CCSER2: variants seen among roughly 807,000 people sequenced by gnomAD.
CCSER2 encodes the protein serine-rich coiled-coil domain-containing protein 2.
In CCSER2, 46 loss-of-function variants were observed where a neutral mutation model predicts 92.3. That is an observed-to-expected ratio of 0.50 (90% CI 0.39 to 0.64). The LOEUF (loss-of-function observed/expected upper bound fraction) is 0.64, where lower values mean the gene tolerates loss of function less well. CCSER2 is among the 30% of genes least tolerant of loss of function. The pLI, the probability that CCSER2 is intolerant of heterozygous loss-of-function variation, is 0.00. For synonymous variants in CCSER2, 433 were observed against 431.4 expected (o/e 1.00, Z -0.04); for missense variants, 1,244 against 1,238.9 (o/e 1.00, Z -0.06).
intron 1 of CCSER2, among the ~76,000 whole-genome samples, chr10:84,357,096 C>G (rs115345990): frequency 1.2e-3 from 184 of 152,202 alleles, no homozygotes; most frequent in African/African-American, 4.4e-3. Context: ...GGAAAATAAA[C>G]TTTGAGTGTC....
chr10:84,400,536 A>G (rs11597246), intron 3 of CCSER2, among the ~76,000 whole-genome samples: 32,325 of 151,908 alleles, frequency 0.21, 3,655 homozygotes, highest in Admixed American at 0.34. Flanking sequence ...GATCCATTTT[A>G]TGTTTTTGTA....
At chr10:84,479,743 G>A (rs1306772335) in intron 9 of CCSER2, among the ~76,000 whole-genome samples, 2 of 152,228 alleles carry the variant, frequency 1.3e-5, no homozygotes, top group Admixed American at 6.5e-5. Flanking sequence ...TTTTCTGCAT[G>A]TGAAGAAGCT....
At chr10:84,434,933 A>G (rs1488018275) in intron 5 of CCSER2, among the ~76,000 whole-genome samples, 1 of 152,182 alleles carries the variant, frequency 6.6e-6, no homozygotes, top group Non-Finnish European at 1.5e-5. Flanking sequence ...TCTGTTTTCA[A>G]AGGGCTTACA....
At chr10:84,507,122 G>C (rs1421587066) in intron 9 of CCSER2, among the ~76,000 whole-genome samples, 14 of 152,264 alleles carry the variant, frequency 9.2e-5, no homozygotes, top group Non-Finnish European at 1.5e-5. Flanking sequence ...TTTTTGTTAT[G>C]TACAAATATA....
intron 3 of CCSER2, among the ~76,000 whole-genome samples, chr10:84,389,918 C>T (rs1841430972): frequency 6.6e-6 from 1 of 151,862 alleles, no homozygotes; most frequent in East Asian, 1.9e-4. Context: ...TTTTTTCTGC[C>T]CTAGGCCTGG....
At chr10:84,423,335 T>C (rs1843247813) in intron 4 of CCSER2, among the ~76,000 whole-genome samples, 1 of 152,352 alleles carries the variant, frequency 6.6e-6, no homozygotes, top group Non-Finnish European at 1.5e-5. Flanking sequence ...TGTCTAAGTT[T>C]GAACATTAGT....
At chr10:84,483,776 AT>A (rs969733255) in intron 9 of CCSER2, among the ~76,000 whole-genome samples, 24 of 145,324 alleles carry the variant, frequency 1.7e-4, no homozygotes, top group African/African-American at 4.3e-4. Flanking sequence ...AAAAATGTCA[AT>A]TTTTTTTCTT....
chr10:84,465,586 A>G (rs1040491778), intron 7 of CCSER2, among the ~76,000 whole-genome samples: 1 of 151,904 alleles, frequency 6.6e-6, no homozygotes, highest in Non-Finnish European at 1.5e-5. Flanking sequence ...TCGGCCTCCC[A>G]AAGTGTTGGG....
chr10:84,332,436 A>ATATTTT (rs1401635246), intron 1 of CCSER2, among the ~76,000 whole-genome samples: 43 of 55,210 alleles, frequency 7.8e-4, no homozygotes, highest in African/African-American at 3.0e-3. Context: ...ATATATATAT[A>ATATTTT]TTTTTTTTTT....
chr10:84,443,767 A>G (rs1031648764), intron 6 of CCSER2, among the ~76,000 whole-genome samples: 13 of 152,236 alleles, frequency 8.5e-5, no homozygotes, highest in Non-Finnish European at 1.8e-4. Context: ...GATAGACTGG[A>G]TAAAGAAAAT....
chr10:84,506,259 T>C (rs561462344), intron 9 of CCSER2, among the ~76,000 whole-genome samples: 1 of 152,318 alleles, frequency 6.6e-6, no homozygotes, highest in East Asian at 1.9e-4. Flanking sequence ...CTCTAAATTT[T>C]CTGAGGTCTA....
At chr10:84,411,374 C>T (rs893919871) in intron 3 of CCSER2, among the ~76,000 whole-genome samples, 3 of 152,084 alleles carry the variant, frequency 2.0e-5, no homozygotes, top group Non-Finnish European at 2.9e-5. Flanking sequence ...AACATTGAAT[C>T]TATAAATTCG....
chr10:84,366,968 T>C (rs1845806591), intron 1 of CCSER2, among the ~76,000 whole-genome samples: 1 of 152,208 alleles, frequency 6.6e-6, no homozygotes, highest in Admixed American at 6.5e-5. Flanking sequence ...TTAGAATAAA[T>C]TTTTAATGGT....
At chr10:84,456,895 T>A (rs1564683427) in intron 6 of CCSER2, among the ~76,000 whole-genome samples, 2 of 151,976 alleles carry the variant, frequency 1.3e-5, no homozygotes, top group South Asian at 2.1e-4. Flanking sequence ...TGGTGAAGTG[T>A]CTTTTTTGCC....
In CCSER2 at chr10:84,371,583, T is replaced by C. The variant is rs775350525; in HGVS notation, c.531T>C (p.Tyr177=). The C allele has an allele frequency of 6.2e-7, 1 of 1,613,764 alleles. No individual in the cohort carries two copies. ...NTPKSQLNGF[Y]GNRSAGSMQR... is the part of the protein sequence containing the mutation. ...CAAAATCACAGTTGAATGGATTTTA[T>C]GGAAACCGATCAGCTGGTAGCATGC... Residue 177 remains tyrosine (Y), a synonymous_variant, in exon 2 of 10, where the codon TAT becomes TAC. Transcript: ENST00000372088.
chr10:84,336,995 A>G (rs1254590068), intron 1 of CCSER2, among the ~76,000 whole-genome samples: 1 of 152,220 alleles, frequency 6.6e-6, no homozygotes, highest in Non-Finnish European at 1.5e-5. Flanking sequence ...GAGATGGGTA[A>G]GAGCGCAGAA....
chr10:84,343,722 G>T (rs529826211), intron 1 of CCSER2, among the ~76,000 whole-genome samples: 2 of 152,170 alleles, frequency 1.3e-5, no homozygotes, highest in African/African-American at 4.8e-5. Context: ...AAGAAAAGTT[G>T]TATGGAAACG....
chr10:84,501,608 C>T (rs575648793), intron 9 of CCSER2, among the ~76,000 whole-genome samples: 3 of 150,996 alleles, frequency 2.0e-5, no homozygotes, highest in East Asian at 3.9e-4. Context: ...AGTGGCTCTC[C>T]ATTTTCAAGT....
intron 3 of CCSER2, among the ~76,000 whole-genome samples, chr10:84,380,911 G>A (rs1840868515): frequency 6.6e-6 from 1 of 152,084 alleles, no homozygotes. Context: ...TAGCCAGGAT[G>A]GTCTCGATCT....
Sources: allele counts gnomAD v4.1 joint callset (sites outside exome capture counted in the v4.1 genomes callset), GRCh38; gene constraint gnomAD v4.1.1; transcripts MANE v1.5; gene names NCBI Gene and HGNC (gene_info 2026-07-23, HGNC 2026-07-21).